GATAD2A: variants seen among roughly 807,000 people sequenced by gnomAD.
The protein encoded by GATAD2A is transcriptional repressor p66-alpha.
GATAD2A carries 12 observed loss-of-function variants against 68.5 expected under a neutral mutation model. The observed-to-expected ratio is 0.18, with a 90% CI of 0.11 to 0.28. GATAD2A has a LOEUF of 0.28. Ranked by LOEUF, GATAD2A falls within the 10% of genes least tolerant of loss-of-function variation. The pLI is 1.00. For synonymous variants in GATAD2A, 410 were observed against 375.3 expected (o/e 1.09, Z -1.07); for missense variants, 755 against 868.5 (o/e 0.87, Z 1.64).
chr19:19,394,009 C>T (rs1032662660), intron 1 of GATAD2A, among the ~76,000 whole-genome samples: 1 of 151,960 alleles, frequency 6.6e-6, no homozygotes, highest in Admixed American at 6.6e-5. Flanking sequence ...ACCTCAGCCT[C>T]CCGAGTAGCT....
chr19:19,503,142 A>G (rs891043640), intron 11 of GATAD2A, among the ~76,000 whole-genome samples: 1 of 152,172 alleles, frequency 6.6e-6, no homozygotes, highest in African/African-American at 2.4e-5. Flanking sequence ...TTTTTCATGT[A>G]TGTGTTAACA....
At chr19:19,474,799 C>T (rs2058557201) in intron 2 of GATAD2A, among the ~76,000 whole-genome samples, 1 of 152,212 alleles carries the variant, frequency 6.6e-6, no homozygotes, top group African/African-American at 2.4e-5. Flanking sequence ...GTGCTTTTCA[C>T]ACTCACAGGT....
intron 2 of GATAD2A, among the ~76,000 whole-genome samples, chr19:19,485,964 A>G (rs983996818): frequency 2.6e-5 from 4 of 152,204 alleles, no homozygotes; most frequent in African/African-American, 9.7e-5. Flanking sequence ...CACAACATCT[A>G]TGTGCACGAG....
At chr19:19,457,859 G>C (rs533207084) in intron 1 of GATAD2A, among the ~76,000 whole-genome samples, 2 of 152,190 alleles carry the variant, frequency 1.3e-5, no homozygotes, top group South Asian at 4.2e-4. Flanking sequence ...CTTTCACCCA[G>C]CCAGACTTCA....
At chr19:19,411,032 G>A (rs186976414) in intron 1 of GATAD2A, among the ~76,000 whole-genome samples, 1 of 152,182 alleles carries the variant, frequency 6.6e-6, no homozygotes, top group African/African-American at 2.4e-5. Flanking sequence ...CACCTCTTCT[G>A]TGGGGGATGA....
intron 1 of GATAD2A, among the ~76,000 whole-genome samples, chr19:19,422,338 C>G (rs538771302): frequency 1.3e-5 from 2 of 152,286 alleles, no homozygotes; most frequent in South Asian, 4.1e-4. Flanking sequence ...GCAGGGTTCC[C>G]CAGGTGCCAG....
chr19:19,503,727 G>A (rs1215726084), intron 11 of GATAD2A, among the ~76,000 whole-genome samples: 1 of 151,988 alleles, frequency 6.6e-6, no homozygotes, highest in Non-Finnish European at 1.5e-5. Context: ...CTGATGGTAG[G>A]ATTAGAGGGA....
chr19:19,429,849 A>G (rs2053536746), intron 1 of GATAD2A, among the ~76,000 whole-genome samples: 1 of 151,962 alleles, frequency 6.6e-6, no homozygotes, highest in Admixed American at 6.6e-5. Context: ...GATTCTCCGC[A>G]TCTCTAGTCT....
intron 2 of GATAD2A, among the ~76,000 whole-genome samples, chr19:19,470,699 C>T (rs2058235474): frequency 6.6e-6 from 1 of 151,918 alleles, no homozygotes; most frequent in Admixed American, 6.6e-5. Context: ...TGAACGTTCT[C>T]TGTTGATCAT....
chr19:19,456,679 A>G (rs1441155558), intron 1 of GATAD2A, among the ~76,000 whole-genome samples: 3 of 152,162 alleles, frequency 2.0e-5, no homozygotes, highest in East Asian at 1.9e-4. Flanking sequence ...GCAAACACCA[A>G]AAGGTTTGCT....
chr19:19,474,721 G>T (rs1172797587), intron 2 of GATAD2A, among the ~76,000 whole-genome samples: 2 of 152,254 alleles, frequency 1.3e-5, no homozygotes, highest in Non-Finnish European at 2.9e-5. Context: ...TTAAACTGCA[G>T]GGTTACAAAT....
chr19:19,388,057 C>CTTTTTTTTTTTTTTTTT (rs1568686046), intron 1 of GATAD2A, among the ~76,000 whole-genome samples: 1 of 125,984 alleles, frequency 7.9e-6, no homozygotes. Flanking sequence ...AGCTTCTCCT[C>CTTTTTTTTTTTTTTTTT]CTTTTTTTTT....
chr19:19,415,099 C>CA (rs1206510099), intron 1 of GATAD2A, among the ~76,000 whole-genome samples: 12 of 129,686 alleles, frequency 9.3e-5, no homozygotes, highest in Admixed American at 7.0e-4. Context: ...CCCCTCCCCC[C>CA]AAAAAAACCC....
intron 2 of GATAD2A, among the ~76,000 whole-genome samples, chr19:19,480,583 G>A (rs1398467870): frequency 3.3e-5 from 5 of 152,192 alleles, no homozygotes; most frequent in African/African-American, 1.2e-4. Flanking sequence ...CTTTGTCATG[G>A]GATACCACAG....
At chr19:19,402,057 TTTGTTA>T (rs982504247), upstream of GATAD2A, 15 of 152,092 alleles carry the variant, frequency 9.9e-5, no homozygotes, top group African/African-American at 2.7e-4. Context: ...TTGGAAGTTT[TTTGTTA>T]TTGTTGTTGT....
chr19:19,409,409 G>C (rs1568706500), intron 1 of GATAD2A, among the ~76,000 whole-genome samples: 1 of 152,170 alleles, frequency 6.6e-6, no homozygotes, highest in Non-Finnish European at 1.5e-5. Context: ...CCTAACCCTT[G>C]TCTGGTTGGG....
At chr19:19,445,029 C>A (rs1463489874) in intron 1 of GATAD2A, among the ~76,000 whole-genome samples, 1 of 152,082 alleles carries the variant, frequency 6.6e-6, no homozygotes, top group Non-Finnish European at 1.5e-5. Context: ...TGCCTTGGCT[C>A]CTCCTTGGTG....
At chr19:19,386,189 G>C (rs960150437) in intron 1 of GATAD2A, 25 of 152,460 alleles carry the variant, frequency 1.6e-4, no homozygotes, top group African/African-American at 5.8e-4. Flanking sequence ...CGGTGCCCCA[G>C]GCTCTCTGGG....
intron 2 of GATAD2A, among the ~76,000 whole-genome samples, chr19:19,484,761 G>A (rs868161809): frequency 1.3e-5 from 2 of 151,832 alleles, no homozygotes; most frequent in East Asian, 1.9e-4. Context: ...TCTCTATCTC[G>A]TGACCTCGTG....
Sources: allele counts gnomAD v4.1 joint callset (sites outside exome capture counted in the v4.1 genomes callset), GRCh38; gene constraint gnomAD v4.1.1; transcripts MANE v1.5; gene names NCBI Gene and HGNC (gene_info 2026-07-23, HGNC 2026-07-21).